BDP1: variants seen among roughly 807,000 people sequenced by gnomAD.
BDP1 encodes the protein BDP1 general transcription factor IIIB subunit, also known as transcription factor TFIIIB component B'' homolog.
BDP1 carries 169 observed loss-of-function variants against 266.6 expected under a neutral mutation model. That is an observed-to-expected ratio of 0.63 (90% CI 0.56 to 0.72). The LOEUF is 0.72. Among genes scored for constraint, BDP1 ranks in the 30% least tolerant of loss-of-function variants. The probability of loss-of-function intolerance (pLI) is 0.00; values close to 1 mark genes in which losing one functional copy is unlikely to be tolerated. For missense variants in BDP1, 3,015 were observed against 3,053.8 expected (o/e 0.99, Z 0.30); for synonymous variants, 1,090 against 1,022.4 (o/e 1.07, Z -1.26).
At chr5:71,486,750 G>A in intron 9 of BDP1, 123 bp downstream of exon 9, 1 of 736,102 alleles carries the variant, frequency 1.4e-6, no homozygotes, top group East Asian at 3.2e-5. Flanking sequence ...GCATCCAGTT[G>A]GAGGGAGTAT....
At position 71,490,998 on chromosome 5, in the gene BDP1, A is replaced by G. The variant is rs769358815; in HGVS notation, c.1507A>G (p.Ile503Val). 2.2e-5 allele frequency: 35 copies of G among 1,607,342 alleles called. No homozygotes were observed. The highest frequency in any genetic ancestry group is 3.4e-5 in the Admixed American group (2 of 58,666). Reference sequence around the variant, plus strand: ...TGTATTTGTAGATAAATGTCAGGCTATAAGGCCTGAGCTAAAGGAAGGTGA... The same window carrying G: ...TGTATTTGTAGATAAATGTCAGGCTGTAAGGCCTGAGCTAAAGGAAGGTGA... Reference protein sequence around the residue: ...GEKHKNKCQAIRPELKEGECS... With the variant: ...GEKHKNKCQAVRPELKEGECS... The change falls in exon 11 of 39, where the codon ATA becomes GTA. Residue 503 changes from isoleucine (I) to valine (V), a missense_variant. Physicochemically the swap from Ile to Val is conservative, Grantham distance 29. Transcript: ENST00000358731.
intron 26 of BDP1, among the ~76,000 whole-genome samples, chr5:71,534,588 C>T (rs890756962): frequency 6.6e-6 from 1 of 152,102 alleles, no homozygotes; most frequent in African/African-American, 2.4e-5. Flanking sequence ...CAAGCTCCGC[C>T]TCCTGGGTTC....
chr5:71,521,119 G>A (rs1212032320), intron 22 of BDP1, among the ~76,000 whole-genome samples: 2 of 150,516 alleles, frequency 1.3e-5, no homozygotes, highest in African/African-American at 4.9e-5. Context: ...ACCTGGAGGC[G>A]GAGGTTACAG....
chr5:71,493,404 C>CA (rs1382585902), intron 11 of BDP1, among the ~76,000 whole-genome samples: 1 of 152,098 alleles, frequency 6.6e-6, no homozygotes, highest in Non-Finnish European at 1.5e-5. Context: ...GGACTACAGT[C>CA]ATGGGACACC....
At chr5:71,542,075 T>C in intron 29 of BDP1, 30 bp from the exon 30 acceptor site, 7 of 1,563,876 alleles carry the variant, frequency 4.5e-6, no homozygotes, top group Non-Finnish European at 6.1e-6. Context: ...TCTAACATGA[T>C]TCATGAATTT....
downstream of BDP1, among the ~76,000 whole-genome samples, chr5:71,569,966 C>T (rs1308613461): frequency 6.6e-6 from 1 of 152,230 alleles, no homozygotes; most frequent in Non-Finnish European, 1.5e-5. Flanking sequence ...ATCCCACTCA[C>T]TATGTGGGTC....
chr5:71,481,774 C>T (rs1026911414), intron 7 of BDP1, among the ~76,000 whole-genome samples: 1 of 152,034 alleles, frequency 6.6e-6, no homozygotes, highest in African/African-American at 2.4e-5. Context: ...TTCTTCTTTT[C>T]CCAGAACAGT....
chr5:71,553,090 T>A, intron 34 of BDP1, 26 bp from the exon 35 acceptor site: 1 of 1,546,970 alleles, frequency 6.5e-7, no homozygotes, highest in Non-Finnish European at 8.8e-7. Flanking sequence ...ATTCAGTAAT[T>A]TAGTATGTAT....
rs756654386 is a variant in BDP1, at chr5:71,501,553, A to C, written c.1957-9A>C. ...TAAGTAGATAAATTGTAGCAAATTA[A>C]ATTCACAGAACCACGTGGAAAAAGA... On this transcript the variant is annotated splice_polypyrimidine_tract_variant and intron_variant, in intron 13 of 38. Coordinates refer to ENST00000358731, the MANE Select transcript of BDP1 (RefSeq NM_018429.3). 4.5e-5 allele frequency: 68 copies of C among 1,498,288 alleles called. No individual in the cohort carries two copies. Among genetic ancestry groups the C allele is most frequent in the Middle Eastern group, 1.7e-4 (1 of 5,776 alleles). 92.8% of individuals were successfully genotyped at this position (1,498,288 alleles called of 1,614,324 possible).
At chr5:71,500,316 C>CTTTTTTTTTTTT (rs58201517) in intron 13 of BDP1, among the ~76,000 whole-genome samples, 3 of 73,118 alleles carry the variant, frequency 4.1e-5, no homozygotes, top group African/African-American at 6.8e-5. Flanking sequence ...AATCTTGTTT[C>CTTTTTTTTTTTT]TTTTTTTTTT....
intron 25 of BDP1, among the ~76,000 whole-genome samples, chr5:71,529,995 T>G (rs1219883115): frequency 6.6e-6 from 1 of 152,238 alleles, no homozygotes; most frequent in African/African-American, 2.4e-5. Context: ...TGGTGATGAT[T>G]GCACATATCT....
intron 31 of BDP1, 135 bp from the exon 32 acceptor site, chr5:71,544,904 A>AAGG: frequency 1.1e-5 from 5 of 442,338 alleles, no homozygotes; most frequent in Non-Finnish European, 1.9e-5. Context: ...AAAAAAAAAA[A>AAGG]AAGTCCTATT....
chr5:71,531,845 A>G (rs1050633255), intron 25 of BDP1, among the ~76,000 whole-genome samples: 3 of 152,152 alleles, frequency 2.0e-5, no homozygotes, highest in Non-Finnish European at 2.9e-5. Flanking sequence ...CTCATTATAG[A>G]TAGCATTTAT....
At position 71,455,731 on chromosome 5, in the gene BDP1, G is replaced by T; in HGVS notation, c.-147G>T. On this transcript the variant is annotated 5_prime_UTR_variant, in exon 1 of 39. Transcript: ENST00000358731. ...GGGAGAGAGGAGGAGGCGGCGGCGG[G>T]GCAGTGAAACTACGGTAGCTGCCCC... The T allele has an allele frequency of 6.0e-6, 4 of 672,144 alleles. No individual in the cohort carries two copies. The highest frequency in any genetic ancestry group is 1.0e-5 in the Non-Finnish European group (4 of 398,772). The allele number at this position is 672,144 out of a possible 1,614,324, so 41.6% of individuals were successfully genotyped here.
chr5:71,516,027 A>G (rs1194777576), intron 20 of BDP1, 34 bp from the exon 21 acceptor site: 1 of 1,511,468 alleles, frequency 6.6e-7, no homozygotes, highest in East Asian at 2.4e-5. Context: ...TTTACAGTCA[A>G]GCGCCCTGCC....
Position 71,489,618 on chromosome 5 carries a change from A to G in BDP1, c.1428A>G (p.Gly476=). The G allele has an allele frequency of 6.2e-7, 1 of 1,614,126 alleles. No individual in the cohort carries two copies. Among genetic ancestry groups the G allele is most frequent in the Non-Finnish European group, 8.5e-7 (1 of 1,179,996 alleles). The change falls in exon 10 of 39, where the codon GGA becomes GGG. Residue 476 remains glycine (G), a synonymous_variant. Transcript: ENST00000358731. ...RKKQDGANEL[G]VNNLLENATV... The stretch of plus-strand genomic sequence containing the variant: ...AGCAAGATGGAGCTAATGAACTGGG[A>G]GTAAACAATCTTTTAGAAAATGCCA...
chr5:71,546,211 T>C lies in BDP1; in HGVS notation c.6744+992T>C, dbSNP rs533368198. ...CTTTTTATTTTGAAAAATTTTAAAC[T>C]TAGAAGTTACAAAAATCTTACAAAG... On this transcript the variant is annotated intron_variant, in intron 32 of 38. Coordinates refer to ENST00000358731, the MANE Select transcript of BDP1 (RefSeq NM_018429.3). Among the ~76,000 whole-genome samples, 13 of 152,290 alleles carry C rather than the reference T, an allele frequency of 8.5e-5. No individual in the cohort carries two copies. The South Asian group carries it at 2.7e-3, about 32-fold the overall frequency.
In BDP1 at chr5:71,541,410, A is replaced by G. The variant is rs370266842; in HGVS notation, c.6023-44A>G. 40 of 790,144 alleles carry G rather than the reference A, an allele frequency of 5.1e-5. 1 individual carries two copies. The highest frequency in any genetic ancestry group is 7.4e-5 in the Non-Finnish European group (39 of 523,924). 48.9% of individuals were successfully genotyped at this position (790,144 alleles called of 1,614,324 possible). A position where few individuals can be genotyped will look rare whatever the true frequency, so the allele number is the denominator to read the frequency against. ...GTTGAGGAATTTATTTTGAGCATCT[A>G]TAATTTGGTCCATTTTAATTTTGTT... On this transcript the variant is annotated intron_variant, in intron 28 of 38. Coordinates refer to ENST00000358731, the MANE Select transcript of BDP1 (RefSeq NM_018429.3).
intron 11 of BDP1, 46 bp from the exon 12 acceptor site, chr5:71,495,204 T>C (rs759807229): frequency 2.5e-6 from 3 of 1,187,776 alleles, no homozygotes; most frequent in Middle Eastern, 2.1e-4. Flanking sequence ...ATAAAATATA[T>C]ATCATTAGGA....
Sources: gnomAD v4.1 joint callset for allele counts (sites outside exome capture counted in the v4.1 genomes callset) on GRCh38, gnomAD v4.1.1 for gene constraint, MANE v1.5 for transcripts, NCBI Gene and HGNC (gene_info 2026-07-23, HGNC 2026-07-21) for gene names.